The following RASIP1 variants were observed in gnomAD, a reference collection of about 807,000 sequenced individuals.
RASIP1 encodes Ras interacting protein 1.
In RASIP1, 20 loss-of-function variants were observed where a neutral mutation model predicts 85.3. That is an observed-to-expected ratio of 0.23 (90% CI 0.17 to 0.34). The LOEUF (loss-of-function observed/expected upper bound fraction) is 0.34, where lower values mean the gene tolerates loss of function less well. Ranked by LOEUF, RASIP1 falls within the 10% of genes least tolerant of loss-of-function variation. The pLI is 1.00. For synonymous variants in RASIP1, 617 were observed against 647.1 expected, an observed-to-expected ratio of 0.95 and a Z score of 0.71; for missense variants, 1,170 against 1,390.9, an observed-to-expected ratio of 0.84 and a Z score of 2.53.
At chr19:48,728,814 C>A in intron 5 of RASIP1, 123 bp downstream of exon 5, 2 of 1,095,968 alleles carry the variant, frequency 1.8e-6, no homozygotes, top group Non-Finnish European at 2.4e-6. Context: ...CAAATCCTTC[C>A]CGAGGCGTCA....
chr19:48,725,695 C>T (rs1401060473), intron 8 of RASIP1: 2 of 152,254 alleles, frequency 1.3e-5, no homozygotes, highest in Non-Finnish European at 1.5e-5. Context: ...GGTCAGCAAG[C>T]GAAGGAAGTG....
rs368210824 is a variant in RASIP1 at position 48,721,014 on chromosome 19, G to T, written c.2693-17C>A. The T allele has an allele frequency of 1.9e-6, 3 of 1,569,376 alleles. No individual in the cohort carries two copies. The highest frequency in any genetic ancestry group is 2.6e-6 in the Non-Finnish European group (3 of 1,158,772). ...AGATGTCCCCTGTGAGGCCGAAGGCGGCGCGGTTAGAGTCTGAAAGTGGGA... is the reference window on the plus strand; with the variant it reads ...AGATGTCCCCTGTGAGGCCGAAGGCTGCGCGGTTAGAGTCTGAAAGTGGGA... On this transcript the variant is annotated splice_polypyrimidine_tract_variant and intron_variant, in intron 11 of 11. Coordinates refer to ENST00000222145, the MANE Select transcript of RASIP1 (RefSeq NM_017805.3).
chr19:48,727,993 G>A lies in RASIP1; in HGVS notation c.1834-563C>T, dbSNP rs113499544. Among the ~76,000 whole-genome samples the A allele has an allele frequency of 1.8e-3, 277 of 152,242 alleles. 1 individual carries two copies. The highest frequency in any genetic ancestry group is 6.3e-3 in the African/African-American group (260 of 41,540). On this transcript the variant is annotated intron_variant, in intron 5 of 11. Coordinates refer to ENST00000222145, the MANE Select transcript of RASIP1 (RefSeq NM_017805.3). ...ATGAGCCACCACGCCTGGCTCTTGA[G>A]ACAAATTCTAATCCCACAAGCTTTA...
rs570946701 is a variant in RASIP1 at position 48,735,495 on chromosome 19, C to G, written c.880G>C (p.Gly294Arg). The G allele has an allele frequency of 6.4e-7, 1 of 1,557,814 alleles. No homozygotes were observed. Among genetic ancestry groups the G allele is most frequent in the Non-Finnish European group, 8.7e-7 (1 of 1,151,052 alleles). Residue 294 changes from glycine (G) to arginine (R), a missense_variant, in exon 4 of 12, where the codon GGG (glycine) becomes CGG (arginine). By Grantham distance (125) the Gly-to-Arg change is moderately radical. Coordinates refer to ENST00000222145, the MANE Select transcript of RASIP1 (RefSeq NM_017805.3). ...QKNRSRAASG[G>R]AALASPGPGT... ...GGGCCAGGACTGGCCAGCGCTGCCC[C>G]ACCCGACGCCGCCCGGGAGCGGTTC...
rs1247236747 is a variant in RASIP1, at chr19:48,739,504, G to A, written c.279C>T (p.Phe93=). 1 of 1,510,586 alleles carries A rather than the reference G, an allele frequency of 6.6e-7. No individual in the cohort carries two copies. Among genetic ancestry groups the A allele is most frequent in the Admixed American group, 2.0e-5 (1 of 49,240 alleles). 93.6% of individuals were successfully genotyped at this position (1,510,586 alleles called of 1,614,324 possible). The change falls in exon 3 of 12, where the codon TTC becomes TTT. Residue 93 remains phenylalanine, a synonymous_variant. Transcript: ENST00000222145. The surrounding 1 kb of genome is among the most constrained non-coding windows in gnomAD (Gnocchi z 9.2). Reference sequence around the variant, plus strand: ...CCGTGGTCCCGGTCCCCGAGCCCCGGAAGAGCTGGGAGATGCGCTTGGCGC... The same window carrying A: ...CCGTGGTCCCGGTCCCCGAGCCCCGAAAGAGCTGGGAGATGCGCTTGGCGC... The part of the protein sequence containing the change: ...GSRAKRISQL[F]RGSGTGTTGS...
rs938701494 is a variant in RASIP1, at chr19:48,739,734, G to A, written c.138-89C>T. On this transcript the variant is annotated intron_variant, in intron 2 of 11. Coordinates refer to ENST00000222145, the MANE Select transcript of RASIP1 (RefSeq NM_017805.3). This position sits in a 1 kb window ranked among gnomAD's most constrained non-coding sequence, Gnocchi z 9.2. Reference sequence around the variant, plus strand: ...GTGGGGGCATATTAGGAGGGAAGTGGGCAGAGACCCAGAGGGAGGACAGGG... The same window carrying A: ...GTGGGGGCATATTAGGAGGGAAGTGAGCAGAGACCCAGAGGGAGGACAGGG... 8 of 1,334,120 alleles carry A rather than the reference G, an allele frequency of 6.0e-6. No homozygotes were observed. In the African/African-American group the frequency reaches 9.3e-5, roughly 15 times the overall value. The allele number at this position is 1,334,120 out of a possible 1,614,324, so 82.6% of individuals were successfully genotyped here.
At chr19:48,734,504 T>C (rs74315698) in intron 4 of RASIP1, among the ~76,000 whole-genome samples, 1 of 149,432 alleles carries the variant, frequency 6.7e-6, no homozygotes, top group Non-Finnish European at 1.5e-5. Context: ...TTTTTTTTTT[T>C]TGAGACAGAG....
intron 5 of RASIP1, 138 bp from the exon 6 acceptor site, chr19:48,727,568 G>C (rs1240157081): frequency 4.6e-6 from 4 of 875,286 alleles, no homozygotes; most frequent in African/African-American, 1.7e-5. Context: ...TTACTATGTT[G>C]CCACCGGTGG....
In RASIP1 at chr19:48,721,978, G is replaced by A; in HGVS notation, c.2568C>T (p.Thr856=). The part of the protein sequence containing the change: ...LLKASWSSLR[T]DHPTLTPAQL... The stretch of plus-strand genomic sequence containing the variant: ...GGGCGGGGGTCAAGGTGGGGTGGTC[G>A]GTTCTTAGGCTGCTCCATGAAGCCT... The change falls in exon 11 of 12, where the codon ACC becomes ACT. Residue 856 remains threonine, a synonymous_variant. Transcript: ENST00000222145. The A allele has an allele frequency of 6.6e-7, 1 of 1,510,956 alleles. No homozygotes were observed. The highest frequency in any genetic ancestry group is 8.9e-7 in the Non-Finnish European group (1 of 1,118,608). 93.6% of individuals were successfully genotyped at this position (1,510,956 alleles called of 1,614,324 possible).
In RASIP1 at chr19:48,729,425, T is replaced by A. The variant is rs199943983; in HGVS notation, c.1345A>T (p.Met449Leu). 1 of 1,560,200 alleles carries A rather than the reference T, an allele frequency of 6.4e-7. No individual in the cohort carries two copies. Among genetic ancestry groups the A allele is most frequent in the African/African-American group, 1.4e-5 (1 of 73,624 alleles). ...GGGGCGCCCCGGGACGGGCGCACCATGGCCGGGTGCTCAGGGCCCGCGCGC... is the reference window on the plus strand; with the variant it reads ...GGGGCGCCCCGGGACGGGCGCACCAAGGCCGGGTGCTCAGGGCCCGCGCGC... The part of the protein sequence containing the change: ...TVRAGPEHPA[M>L]VRPSRGAPVT... The change falls in exon 5 of 12, where the codon ATG (methionine) becomes TTG (leucine). Residue 449 changes from methionine to leucine, a missense_variant. Met to Leu is a conservative substitution (Grantham distance 15). Transcript: ENST00000222145.
chr19:48,737,159 A>G (rs1301141348), intron 3 of RASIP1, among the ~76,000 whole-genome samples: 1 of 152,224 alleles, frequency 6.6e-6, no homozygotes, highest in African/African-American at 2.4e-5. Context: ...TTCTTTATTA[A>G]GCACCTACTC....
rs1175671367 is a variant in RASIP1 at position 48,738,197 on chromosome 19, A to T, written c.823+763T>A. The stretch of plus-strand genomic sequence containing the variant: ...CAACCTCAGGTGATCCGCCCGCCTC[A>T]GCCTCTCAAAGTGCTGGGATTACAG... On this transcript the variant is annotated intron_variant, in intron 3 of 11. Coordinates refer to ENST00000222145, the MANE Select transcript of RASIP1 (RefSeq NM_017805.3). This position sits in a 1 kb window ranked among gnomAD's most constrained non-coding sequence, Gnocchi z 4.0. Among the ~76,000 whole-genome samples the T allele has an allele frequency of 2.0e-5, 3 of 152,130 alleles. No homozygotes were observed. In the East Asian group the frequency reaches 5.8e-4, roughly 29 times the overall value.
chr19:48,724,413 T>C lies in RASIP1; in HGVS notation c.2468A>G (p.Asp823Gly). 6.2e-7 allele frequency: 1 copy of C among 1,614,116 alleles called. No homozygotes were observed. Among genetic ancestry groups the C allele is most frequent in the Non-Finnish European group, 8.5e-7 (1 of 1,180,004 alleles). ...TTTCCGGAAGAACTCAGTGGCAATGTCGCCCAGCCCAGCTCCCTGTAGCCA... is the reference window on the plus strand; with the variant it reads ...TTTCCGGAAGAACTCAGTGGCAATGCCGCCCAGCCCAGCTCCCTGTAGCCA... Reference protein sequence around the residue: ...LDWLQGAGLGDIATEFFRKLS... With the variant: ...LDWLQGAGLGGIATEFFRKLS... Residue 823 changes from aspartate to glycine, a missense_variant, in exon 10 of 12, where the codon GAC becomes GGC. Asp to Gly is a moderately conservative substitution (Grantham distance 94). Around this residue, in one of 4 missense-constraint regions of RASIP1, gnomAD observed 426 missense variants for 576.2 expected, o/e 0.74. Transcript: ENST00000222145. The surrounding 1 kb of genome is among the most constrained non-coding windows in gnomAD (Gnocchi z 4.6).
In RASIP1 at chr19:48,739,015, G is replaced by A; in HGVS notation, c.768C>T (p.Gly256=). ...GCTCCAGGCGCCGCGCCTCCTCGCG[G>A]CCGCGCAACTCGAAGCGCCGCGCCC... ...PGWARRFELR[G]REEARRLEQE... is the part of the protein sequence containing the mutation. The change falls in exon 3 of 12, where the codon GGC becomes GGT. Residue 256 remains glycine (G), a synonymous_variant. Transcript: ENST00000222145. The surrounding 1 kb of genome is among the most constrained non-coding windows in gnomAD (Gnocchi z 9.2). The A allele has an allele frequency of 1.6e-6, 2 of 1,244,456 alleles. No individual in the cohort carries two copies. The highest frequency in any genetic ancestry group is 2.0e-6 in the Non-Finnish European group (2 of 998,458). The allele number at this position is 1,244,456 out of a possible 1,614,324, so 77.1% of individuals were successfully genotyped here.
Position 48,724,613 on chromosome 19 carries a change from C to T in RASIP1, c.2371+104G>A. The T allele has an allele frequency of 6.3e-7, 1 of 1,574,816 alleles. No individual in the cohort carries two copies. The highest frequency in any genetic ancestry group is 8.6e-7 in the Non-Finnish European group (1 of 1,156,266). On this transcript the variant is annotated intron_variant, in intron 9 of 11. Coordinates refer to ENST00000222145, the MANE Select transcript of RASIP1 (RefSeq NM_017805.3). This position sits in a 1 kb window ranked among gnomAD's most constrained non-coding sequence, Gnocchi z 4.6. ...AGCCTGGGATCTGGAGCTTGTTCTC[C>T]AGGGTACCCAAAGGTGAGGCTTGAG...
At chr19:48,736,427 G>A (rs1168270643) in intron 3 of RASIP1, among the ~76,000 whole-genome samples, 2 of 151,880 alleles carry the variant, frequency 1.3e-5, no homozygotes, top group Non-Finnish European at 1.5e-5. Flanking sequence ...AACAAAACAA[G>A]TATTTATTGA....
At chr19:48,737,885 C>G (rs1294651589) in intron 3 of RASIP1, 1 of 985,018 alleles carries the variant, frequency 1.0e-6, no homozygotes, top group Non-Finnish European at 1.2e-6. Flanking sequence ...CGTGCTTACT[C>G]TTCCGGCTCC....
In RASIP1 at chr19:48,729,126, C is replaced by T; in HGVS notation, c.1644G>A (p.Arg548=). The part of the protein sequence containing the change: ...LDGREPVLRF[R]PREEEALLGE... ...CCAGCAGCGCCTCCTCCTCGCGCGG[C>T]CGGAAGCGCAGGACTGGCTCACGGC... The change falls in exon 5 of 12, where the codon CGG becomes CGA. Residue 548 remains arginine, a synonymous_variant. Coordinates refer to ENST00000222145, the MANE Select transcript of RASIP1 (RefSeq NM_017805.3). 7.3e-7 allele frequency: 1 copy of T among 1,362,920 alleles called. No homozygotes were observed. The allele number at this position is 1,362,920 out of a possible 1,614,324, so 84.4% of individuals were successfully genotyped here.
Position 48,724,742 on chromosome 19 carries a change from G to A in RASIP1, c.2346C>T (p.Ser782=). The change falls in exon 9 of 12, where the codon TCC becomes TCT. Residue 782 remains serine, a synonymous_variant. Transcript: ENST00000222145. The surrounding 1 kb of genome is among the most constrained non-coding windows in gnomAD (Gnocchi z 4.6). ...CTCGTTCCATCAGCGAGTTGAGAAG[G>A]GATGCGTTGGAGAAGAAGAACAAGT... ...FGYLFFFSNA[S]LLNSLMERGQ... The A allele has an allele frequency of 1.2e-6, 2 of 1,614,186 alleles. No homozygotes were observed. Among genetic ancestry groups the A allele is most frequent in the Non-Finnish European group, 1.7e-6 (2 of 1,180,030 alleles).
Sources: gnomAD v4.1 joint callset for allele counts (sites outside exome capture counted in the v4.1 genomes callset) on GRCh38, gnomAD v4.1.1 for gene constraint, gnomAD v4.1.1 regional missense constraint, Gnocchi (gnomAD v3.1) non-coding constraint, MANE v1.5 for transcripts, NCBI Gene and HGNC (gene_info 2026-07-23, HGNC 2026-07-21) for gene names.